Variants in MAPK8IP3 observed in about 807,000 individuals in gnomAD.
MAPK8IP3 encodes C-Jun-amino-terminal kinase-interacting protein 3.
A neutral mutation model predicts 157.8 loss-of-function variants in MAPK8IP3; 49 were observed. The ratio of observed to expected loss-of-function variants is 0.31; its 90% confidence interval spans 0.25 to 0.39. The LOEUF (loss-of-function observed/expected upper bound fraction) is 0.39, where lower values mean the gene tolerates loss of function less well. Ranked by LOEUF, MAPK8IP3 falls within the 10% of genes least tolerant of loss-of-function variation. MAPK8IP3 has a pLI of 1.00. For missense variants in MAPK8IP3, 1,478 were observed against 1,889.4 expected, an observed-to-expected ratio of 0.78 and a Z score of 4.04; for synonymous variants, 897 against 777.7, an observed-to-expected ratio of 1.15 and a Z score of -2.55.
At position 1,740,641 on chromosome 16, in the gene MAPK8IP3, T is replaced by TTGCCCTCTGTGCTGTCGC. The variant is rs1285585714; in HGVS notation, c.603-2686_603-2669dup. ...GCCTTCTAACGCCTGTCTCCTTGTC[T>TTGCCCTCTGTGCTGTCGC]TGCCCTCTGTGCTGTCGCTGCCGTG... On this transcript the variant is annotated intron_variant, in intron 4 of 31. Coordinates refer to ENST00000610761, the MANE Select transcript of MAPK8IP3 (RefSeq NM_001318852.2). Among the ~76,000 whole-genome samples, 10 of 152,344 alleles carry TTGCCCTCTGTGCTGTCGC rather than the reference T, an allele frequency of 6.6e-5. 1 individual carries two copies. In the South Asian group the frequency reaches 2.1e-3, roughly 32 times the overall value.
intron 1 of MAPK8IP3, among the ~76,000 whole-genome samples, chr16:1,711,063 G>A (rs1293001626): frequency 2.0e-5 from 3 of 152,280 alleles, no homozygotes; most frequent in African/African-American, 7.2e-5. Flanking sequence ...GCAGCAGTCA[G>A]ACAGGGCCGA....
intron 4 of MAPK8IP3, among the ~76,000 whole-genome samples, chr16:1,739,671 CGT>C (rs1172087783): frequency 2.8e-5 from 3 of 105,698 alleles, no homozygotes; most frequent in Non-Finnish European, 5.6e-5. Flanking sequence ...TGTGACCGTT[CGT>C]GTGAGTGACC....
At chr16:1,758,402 C>T (rs992435493) in intron 9 of MAPK8IP3, among the ~76,000 whole-genome samples, 1 of 152,288 alleles carries the variant, frequency 6.6e-6, no homozygotes, top group East Asian at 1.9e-4. Context: ...CGGGCCATTT[C>T]TGAAGGCCCT....
rs759951795 is a variant in MAPK8IP3 at position 1,764,447 on chromosome 16, C to G, written c.2268C>G (p.Pro756=). Residue 756 remains proline, a synonymous_variant, in exon 19 of 32, where the codon CCC becomes CCG. Coordinates refer to ENST00000610761, the MANE Select transcript of MAPK8IP3 (RefSeq NM_001318852.2). ...DGEPKSAHTS[P]EKKKAKELPE... ...AGCCCAAGAGCGCCCACACGTCTCC[C>G]GAGAAGAAGAAGGTGAGCATGGCCG... 1.9e-6 allele frequency: 3 copies of G among 1,608,354 alleles called. No homozygotes were observed. The highest frequency in any genetic ancestry group is 2.2e-5 in the South Asian group (2 of 90,400).
At position 1,769,028 on chromosome 16, in the gene MAPK8IP3, C is replaced by T. The variant is rs2141964112; in HGVS notation, c.*204C>T. ...AGGAGGAGGGGAGGGGAACTTCCAC[C>T]CGAGGGGAAGATGCTCTCGGGACAG... On this transcript the variant is annotated 3_prime_UTR_variant, in exon 32 of 32. Transcript: ENST00000610761. 4.9e-6 allele frequency: 3 copies of T among 615,592 alleles called. No individual in the cohort carries two copies. The highest frequency in any genetic ancestry group is 2.8e-6 in the Non-Finnish European group (1 of 353,762). The allele number at this position is 615,592 out of a possible 1,614,324, so 38.1% of individuals were successfully genotyped here. A position where few individuals can be genotyped will look rare whatever the true frequency, so the allele number is the denominator to read the frequency against.
intron 13 of MAPK8IP3, 102 bp from the exon 14 acceptor site, chr16:1,762,249 A>G (rs2041995790): frequency 1.4e-6 from 2 of 1,408,392 alleles, no homozygotes; most frequent in Non-Finnish European, 1.9e-6. Context: ...TCTGAAGGAA[A>G]TTGGCACTGA....
In MAPK8IP3 at chr16:1,759,112, CA is replaced by C. The variant is rs796508368; in HGVS notation, c.1246+118del. On this transcript the variant is annotated intron_variant, in intron 10 of 31. Transcript: ENST00000610761. Reference sequence around the variant, plus strand: ...GGGACAGTGTTGGGGCCGCCGGGGTCAGGGGGGCAGCCCTGAGTGAAGCTCG... The same window carrying C: ...GGGACAGTGTTGGGGCCGCCGGGGTCGGGGGGCAGCCCTGAGTGAAGCTCG... 1.1e-5 allele frequency: 15 copies of C among 1,372,992 alleles called. No individual in the cohort carries two copies. The African/African-American group carries it at 1.6e-4, about 14-fold the overall frequency. The allele number at this position is 1,372,992 out of a possible 1,614,324, so 85.1% of individuals were successfully genotyped here. A position where few individuals can be genotyped will look rare whatever the true frequency, so the allele number is the denominator to read the frequency against.
At chr16:1,735,415 GTCCGTGTGACCA>G (rs2039616712) in intron 4 of MAPK8IP3, among the ~76,000 whole-genome samples, 2 of 146,450 alleles carry the variant, frequency 1.4e-5, no homozygotes, top group South Asian at 4.5e-4. Flanking sequence ...CCATGTGAGC[GTCCGTGTGACCA>G]TCCGTGTGAG....
intron 4 of MAPK8IP3, among the ~76,000 whole-genome samples, chr16:1,730,582 T>G (rs563285000): frequency 3.5e-5 from 5 of 144,826 alleles, no homozygotes; most frequent in East Asian, 2.1e-4. Context: ...TACGAAACAC[T>G]CCTGTAATCC....
At chr16:1,748,823 G>A (rs752795015) in intron 8 of MAPK8IP3, 103 bp downstream of exon 8, 4 of 1,033,048 alleles carry the variant, frequency 3.9e-6, no homozygotes, top group South Asian at 1.3e-5. Context: ...TCAGCTGTGA[G>A]CTAGGAACCT....
chr16:1,767,238 G>A lies in MAPK8IP3; in HGVS notation c.3178G>A (p.Val1060Met), dbSNP rs370216539. The A allele has an allele frequency of 7.9e-5, 127 of 1,613,358 alleles. No individual in the cohort carries two copies. The highest frequency in any genetic ancestry group is 1.3e-4 in the African/African-American group (10 of 74,940). The change falls in exon 26 of 32, where the codon GTG becomes ATG. Residue 1060 changes from valine (V) to methionine (M), a missense_variant. Physicochemically the swap from Val to Met is conservative, Grantham distance 21 (BLOSUM62 1). This residue lies in a region of MAPK8IP3 where 669 missense variants were observed against 759.8 expected (regional missense o/e 0.88). Transcript: ENST00000610761. ...IRCMAVVYDR[V>M]WCGYKNKVHV... ...CTGCATGGCTGTTGTGTACGACCGCGTGTGGTGTGGCTACAAGAACAAGGT... is the reference window on the plus strand; with the variant it reads ...CTGCATGGCTGTTGTGTACGACCGCATGTGGTGTGGCTACAAGAACAAGGT...
rs111164756 is a variant in MAPK8IP3, at chr16:1,736,689, A to G, written c.603-6643A>G. On this transcript the variant is annotated intron_variant, in intron 4 of 31. Transcript: ENST00000610761. Reference sequence around the variant, plus strand: ...GACCGTCCGTGTGAGCATCCGTGTGACCGACCGTGTGAGCGTCCGTGTGAG... The same window carrying G: ...GACCGTCCGTGTGAGCATCCGTGTGGCCGACCGTGTGAGCGTCCGTGTGAG... Among the ~76,000 whole-genome samples, 320 of 52,490 alleles carry G rather than the reference A, an allele frequency of 6.1e-3. 22 individuals carry two copies. The highest frequency in any genetic ancestry group is 0.028 in the African/African-American group (306 of 11,058). 34.4% of individuals were successfully genotyped at this position (52,490 alleles called of 152,430 possible). A position where few individuals can be genotyped will look rare whatever the true frequency, so the allele number is the denominator to read the frequency against.
intron 1 of MAPK8IP3, among the ~76,000 whole-genome samples, chr16:1,722,890 A>G (rs926726439): frequency 2.7e-5 from 4 of 150,828 alleles, no homozygotes; most frequent in Admixed American, 6.6e-5. Flanking sequence ...TTTAGTAGAG[A>G]TGGGGTTTCG....
At chr16:1,730,603 G>C (rs1567154990) in intron 4 of MAPK8IP3, among the ~76,000 whole-genome samples, 1 of 152,100 alleles carries the variant, frequency 6.6e-6, no homozygotes, top group Admixed American at 6.6e-5. Flanking sequence ...CAGCACTTTG[G>C]GAGGGCAAGG....
At chr16:1,761,676 ACAGGCGGGGCGGCCACCATTCACCATTCC>A (rs1567201268) in intron 13 of MAPK8IP3, among the ~76,000 whole-genome samples, 44 of 128,050 alleles carry the variant, frequency 3.4e-4, no homozygotes, top group East Asian at 1.1e-3. Flanking sequence ...TTCACCATTC[ACAGGCGGGGCGGCCACCATTCACCATTCC>A]CAGGCGGGGC....
intron 4 of MAPK8IP3, among the ~76,000 whole-genome samples, chr16:1,735,913 ACCATCC>A (rs2039716606): frequency 8.4e-6 from 1 of 118,804 alleles, no homozygotes. Flanking sequence ...CATCCGTGTG[ACCATCC>A]GTGAGCATCC....
At chr16:1,736,614 C>G (rs561609701) in intron 4 of MAPK8IP3, among the ~76,000 whole-genome samples, 5 of 46,098 alleles carry the variant, frequency 1.1e-4, no homozygotes, top group East Asian at 5.8e-4. Context: ...ATCCGTGTGA[C>G]CGTCCGTGTG....
rs757381865 is a variant in MAPK8IP3, at chr16:1,751,094, G to A, written c.1216+2374G>A. ...CATTTCCGTGGGTGGCAGCACTGAC[G>A]GGCACGGCCACCGTCGGTCCTTACT... On this transcript the variant is annotated intron_variant, in intron 8 of 31. Coordinates refer to ENST00000610761, the MANE Select transcript of MAPK8IP3 (RefSeq NM_001318852.2). This position sits in a 1 kb window ranked among gnomAD's most constrained non-coding sequence, Gnocchi z 5.0. Among the ~76,000 whole-genome samples the A allele has an allele frequency of 1.5e-4, 23 of 152,186 alleles. 1 individual carries two copies. Among genetic ancestry groups the A allele is most frequent in the Non-Finnish European group, 2.4e-4 (16 of 68,042 alleles).
At chr16:1,762,542 C>T (rs996376189) in intron 14 of MAPK8IP3, 61 bp downstream of exon 14, 5 of 1,598,572 alleles carry the variant, frequency 3.1e-6, no homozygotes, top group South Asian at 1.1e-5. Context: ...AGGACTGCGG[C>T]TCCCTCCTCT....
Sources: gnomAD v4.1 joint callset for allele counts (sites outside exome capture counted in the v4.1 genomes callset) on GRCh38, gnomAD v4.1.1 for gene constraint, gnomAD v4.1.1 regional missense constraint, Gnocchi (gnomAD v3.1) non-coding constraint, MANE v1.5 for transcripts, NCBI Gene and HGNC (gene_info 2026-07-23, HGNC 2026-07-21) for gene names.